Variants in RGS22 observed in about 807,000 individuals in gnomAD.
RGS22 encodes the protein regulator of G protein signaling 22, also known as regulator of G-protein signaling 22.
A neutral mutation model predicts 172.9 loss-of-function variants in RGS22; 148 were observed. The observed-to-expected ratio is 0.86, with a 90% CI of 0.75 to 0.98. The LOEUF is 0.98. RGS22 is among the 50% of genes least tolerant of loss of function. RGS22 has a pLI of 0.00. For missense variants in RGS22, 1,347 were observed against 1,440.8 expected (o/e 0.93, Z 1.05); for synonymous variants, 458 against 480.2 (o/e 0.95, Z 0.60).
At chr8:99,964,069 TTC>T (rs72231344) in intron 24 of RGS22, among the ~76,000 whole-genome samples, 27,503 of 151,222 alleles carry the variant, frequency 0.18, 4,329 homozygotes, top group African/African-American at 0.43. Flanking sequence ...CATCATCCCT[TTC>T]TCTCTCTCTC....
chr8:100,105,683 T>C (rs1813879784), intron 1 of RGS22: 3 of 564,392 alleles, frequency 5.3e-6, no homozygotes, highest in Non-Finnish European at 3.1e-6. Context: ...ACGTACAATA[T>C]GCAGAATTAA....
chr8:100,023,180 T>C (rs1817805846), intron 14 of RGS22, among the ~76,000 whole-genome samples: 1 of 152,066 alleles, frequency 6.6e-6, no homozygotes, highest in African/African-American at 2.4e-5. Flanking sequence ...ATCATTAAGG[T>C]TGTAGGTCTA....
chr8:100,056,561 G>A (rs947042546), intron 9 of RGS22, among the ~76,000 whole-genome samples: 1 of 152,172 alleles, frequency 6.6e-6, no homozygotes, highest in Non-Finnish European at 1.5e-5. Flanking sequence ...GGGACTTGGT[G>A]CCCTGTGTTC....
intron 15 of RGS22, among the ~76,000 whole-genome samples, chr8:100,007,372 C>T (rs978631392): frequency 6.6e-6 from 1 of 152,072 alleles, no homozygotes; most frequent in African/African-American, 2.4e-5. Context: ...ATTGCCTCCA[C>T]CCGTTAATAA....
chr8:100,054,354 G>A (rs1306900645), intron 9 of RGS22: 2 of 154,174 alleles, frequency 1.3e-5, no homozygotes, highest in African/African-American at 4.8e-5. Context: ...AGTATTTTGG[G>A]AAGCCATGGT....
intron 9 of RGS22, among the ~76,000 whole-genome samples, chr8:100,058,897 C>A (rs1240208926): frequency 6.6e-6 from 1 of 152,002 alleles, no homozygotes; most frequent in Non-Finnish European, 1.5e-5. Context: ...ACTTTTATAC[C>A]AAGTAGAAAG....
intron 14 of RGS22, 142 bp downstream of exon 14, chr8:100,038,789 T>G: frequency 2.3e-6 from 1 of 434,906 alleles, no homozygotes; most frequent in South Asian, 7.4e-5. Context: ...TTTGCTGATT[T>G]CAAATACAGT....
Position 99,998,879 on chromosome 8 carries a change from T to C in RGS22, c.2949+383A>G, listed in dbSNP as rs192758109. 1.2e-3 allele frequency among the ~76,000 whole-genome samples: 190 copies of C among 152,244 alleles called. 1 individual carries two copies. Among genetic ancestry groups the C allele is most frequent in the Non-Finnish European group, 2.4e-3 (161 of 68,010 alleles). On this transcript the variant is annotated intron_variant, in intron 19 of 27. Coordinates refer to ENST00000360863, the MANE Select transcript of RGS22 (RefSeq NM_015668.5). ...CAACAGAAGTACAATGACTAAGGCCTGGCATGGCGTCTCACACCTGTAATC... is the reference window on the plus strand; with the variant it reads ...CAACAGAAGTACAATGACTAAGGCCCGGCATGGCGTCTCACACCTGTAATC...
chr8:100,012,683 G>A (rs966272571), intron 14 of RGS22, among the ~76,000 whole-genome samples: 5 of 152,050 alleles, frequency 3.3e-5, no homozygotes, highest in African/African-American at 7.2e-5. Context: ...GGTAAATTAC[G>A]AAACTAAAGA....
rs574283972 is a variant in RGS22, at chr8:99,967,214, G to A, written c.3520-1784C>T. ...AACCCAGATACTATGCTCTTCCCAC[G>A]GTCTTCACAACCTGCAGGCTAGGAG... is the stretch of plus-strand genomic sequence containing the variant. On this transcript the variant is annotated intron_variant, in intron 23 of 27. Transcript: ENST00000360863. Among the ~76,000 whole-genome samples the A allele has an allele frequency of 1.2e-4, 18 of 152,260 alleles. No individual in the cohort carries two copies. The South Asian group carries it at 2.5e-3, about 21-fold the overall frequency.
At chr8:100,004,246 G>C (rs1247316658) in intron 16 of RGS22, 148 bp from the exon 17 acceptor site, 1 of 889,238 alleles carries the variant, frequency 1.1e-6, no homozygotes, top group African/African-American at 1.7e-5. Context: ...TTAGAATCTG[G>C]TAAAGAATCT....
At chr8:100,033,087 C>T (rs542609125) in intron 14 of RGS22, among the ~76,000 whole-genome samples, 4 of 151,996 alleles carry the variant, frequency 2.6e-5, no homozygotes, top group Admixed American at 2.6e-4. Flanking sequence ...AATTGACACC[C>T]TAACATCACA....
intron 15 of RGS22, among the ~76,000 whole-genome samples, chr8:100,007,822 C>G (rs1382089380): frequency 6.6e-6 from 1 of 151,304 alleles, no homozygotes; most frequent in Non-Finnish European, 1.5e-5. Context: ...TGCACTCCAG[C>G]CTGGGTGACA....
chr8:100,018,043 A>G (rs1053024093), intron 14 of RGS22, among the ~76,000 whole-genome samples: 1 of 152,152 alleles, frequency 6.6e-6, no homozygotes, highest in African/African-American at 2.4e-5. Flanking sequence ...AAGGGATACA[A>G]GCACTGCCTG....
At chr8:100,029,756 T>C (rs910455022) in intron 14 of RGS22, among the ~76,000 whole-genome samples, 1 of 146,978 alleles carries the variant, frequency 6.8e-6, no homozygotes, top group African/African-American at 2.5e-5. Context: ...TGTATACCTA[T>C]GTAAAAAACC....
rs1423221518 is a variant in RGS22 at position 100,008,359 on chromosome 8, A to G, written c.2361+16T>C. ...ACCTGAATGGTTTCACACTCAATTT[A>G]TCGGTGGCACGGTACCTTTTTATAA... On this transcript the variant is annotated intron_variant, in intron 15 of 27. Coordinates refer to ENST00000360863, the MANE Select transcript of RGS22 (RefSeq NM_015668.5). 6.3e-7 allele frequency: 1 copy of G among 1,599,050 alleles called. No homozygotes were observed.
chr8:99,984,189 G>C (rs1280535619), intron 21 of RGS22, among the ~76,000 whole-genome samples: 1 of 152,134 alleles, frequency 6.6e-6, no homozygotes, highest in Non-Finnish European at 1.5e-5. Context: ...GGGAGGCTTA[G>C]GTGTGAGGAT....
chr8:100,078,745 G>A (rs1811536764), intron 4 of RGS22, among the ~76,000 whole-genome samples: 2 of 152,096 alleles, frequency 1.3e-5, no homozygotes, highest in Admixed American at 1.3e-4. Context: ...TCCTACCTCA[G>A]CCTCCTGGGT....
At position 100,041,808 on chromosome 8, in the gene RGS22, T is replaced by G; in HGVS notation, c.1932A>C (p.Glu644Asp). 1 of 1,587,508 alleles carries G rather than the reference T, an allele frequency of 6.3e-7. No homozygotes were observed. Among genetic ancestry groups the G allele is most frequent in the Non-Finnish European group, 8.6e-7 (1 of 1,156,320 alleles). The change falls in exon 12 of 28, where the codon GAA becomes GAC. Residue 644 changes from glutamate (E) to aspartate (D), a missense_variant. Coordinates refer to ENST00000360863, the MANE Select transcript of RGS22 (RefSeq NM_015668.5). ...QLDRRYAYTE[E>D]PRVKTVSDVG... ...CAGTCCTCAAAACACTCACCCTAGG[T>G]TCTTCTGTATAAGCGTATCTTCTAT...
Sources: gnomAD v4.1 joint callset for allele counts (sites outside exome capture counted in the v4.1 genomes callset) on GRCh38, gnomAD v4.1.1 for gene constraint, MANE v1.5 for transcripts, NCBI Gene and HGNC (gene_info 2026-07-23, HGNC 2026-07-21) for gene names.